CCDC83: variants seen among roughly 807,000 people sequenced by gnomAD.
CCDC83 encodes coiled-coil domain-containing protein 83.
A neutral mutation model predicts 50.1 loss-of-function variants in CCDC83; 54 were observed. The observed-to-expected ratio is 1.08, with a 90% CI of 0.87 to 1.35. The LOEUF is 1.35. Among genes scored for constraint, CCDC83 ranks in the 40% most tolerant of loss-of-function variants. CCDC83 has a pLI of 0.00. For missense variants in CCDC83, 518 were observed against 473.9 expected (o/e 1.09, Z -0.86); for synonymous variants, 161 against 153.3 (o/e 1.05, Z -0.37).
At chr11:85,917,424 C>G (rs536233387) in intron 10 of CCDC83, among the ~76,000 whole-genome samples, 79 of 152,274 alleles carry the variant, frequency 5.2e-4, no homozygotes, top group African/African-American at 1.8e-3. Flanking sequence ...GCTCCTACAT[C>G]TTGATGGAGG....
chr11:85,855,755 A>T (rs2093135911), intron 1 of CCDC83, among the ~76,000 whole-genome samples, 171 bp downstream of exon 1: 1 of 152,202 alleles, frequency 6.6e-6, no homozygotes, highest in African/African-American at 2.4e-5. Flanking sequence ...GAAACAGGTC[A>T]GAGGTTCAGA....
intron 9 of CCDC83, 39 bp downstream of exon 9, chr11:85,915,537 A>T (rs768060429): frequency 6.9e-7 from 1 of 1,448,972 alleles, no homozygotes; most frequent in Non-Finnish European, 9.6e-7. Flanking sequence ...ATTTTTTTCA[A>T]ACTCTTGTTT....
chr11:85,895,294 A>G lies in CCDC83; in HGVS notation c.513A>G (p.Glu171=), dbSNP rs780030631. ...TTTTTTTTTTTTTTTTTTTTAAAGAACACTATAAAATCACTCTGGAAGATA... is the reference window on the plus strand; with the variant it reads ...TTTTTTTTTTTTTTTTTTTTAAAGAGCACTATAAAATCACTCTGGAAGATA... The part of the protein sequence containing the change: ...TVKENAEKMS[E]HYKITLEDTR... The change falls in exon 6 of 11, where the codon GAA becomes GAG. Residue 171 remains glutamate, a splice_region_variant and synonymous_variant. Coordinates refer to ENST00000342404, the MANE Select transcript of CCDC83 (RefSeq NM_001286159.2). 1.0e-6 allele frequency: 1 copy of G among 957,298 alleles called. No individual in the cohort carries two copies. The highest frequency in any genetic ancestry group is 1.5e-6 in the Non-Finnish European group (1 of 678,846). 59.3% of individuals were successfully genotyped at this position (957,298 alleles called of 1,614,324 possible). A position where few individuals can be genotyped will look rare whatever the true frequency, so the allele number is the denominator to read the frequency against.
At chr11:85,897,873 A>G (rs1592175218) in intron 6 of CCDC83, among the ~76,000 whole-genome samples, 2 of 152,160 alleles carry the variant, frequency 1.3e-5, no homozygotes, top group Admixed American at 6.6e-5. Context: ...AGACTTTAAT[A>G]GGGCTGGGCG....
intron 10 of CCDC83, among the ~76,000 whole-genome samples, chr11:85,917,098 G>A (rs549739129): frequency 2.0e-5 from 3 of 148,284 alleles, no homozygotes; most frequent in African/African-American, 7.6e-5. Flanking sequence ...GTGACAGAGC[G>A]AGACTCTGAA....
In CCDC83 at chr11:85,917,213, A is replaced by AGAAAGAAG. The variant is rs2093485165; in HGVS notation, c.1080+987_1080+988insGGAAAGAA. Reference sequence around the variant, plus strand: ...GAAAGAGAAAGAAAGAAAGAAGGAAAGAAAGAAAGAAAGAAAGAAAAGAAA... The same window carrying AGAAAGAAG: ...GAAAGAGAAAGAAAGAAAGAAGGAAAGAAAGAAGGAAAGAAAGAAAGAAAGAAAAGAAA... On this transcript the variant is annotated intron_variant, in intron 10 of 10. Transcript: ENST00000342404. 1.5e-3 allele frequency among the ~76,000 whole-genome samples: 176 copies of AGAAAGAAG among 115,070 alleles called. 2 individuals are homozygous for AGAAAGAAG. Among genetic ancestry groups the AGAAAGAAG allele is most frequent in the African/African-American group, 5.3e-3 (162 of 30,352 alleles). 75.5% of individuals were successfully genotyped at this position (115,070 alleles called of 152,430 possible). A position where few individuals can be genotyped will look rare whatever the true frequency, so the allele number is the denominator to read the frequency against.
chr11:85,892,892 G>C (rs1484284074), intron 5 of CCDC83, among the ~76,000 whole-genome samples: 2 of 152,158 alleles, frequency 1.3e-5, no homozygotes, highest in Non-Finnish European at 2.9e-5. Context: ...AATAATAAAG[G>C]CTTCCACTTC....
chr11:85,874,887 AC>A (rs1304912625), intron 3 of CCDC83, among the ~76,000 whole-genome samples: 1 of 152,028 alleles, frequency 6.6e-6, no homozygotes, highest in Non-Finnish European at 1.5e-5. Flanking sequence ...TCAAAATCTG[AC>A]CCCTGTTCAC....
At position 85,904,249 on chromosome 11, in the gene CCDC83, C is replaced by T. The variant is rs1592185267; in HGVS notation, c.672+5234C>T. Among the ~76,000 whole-genome samples, 5 of 152,278 alleles carry T rather than the reference C, an allele frequency of 3.3e-5. No individual in the cohort carries two copies. The South Asian group carries it at 1.0e-3, about 32-fold the overall frequency. ...TTCTCATATACGCCACAACAGTTTCCTCTATTACTGACATCTTACATTGTA... is the reference window on the plus strand; with the variant it reads ...TTCTCATATACGCCACAACAGTTTCTTCTATTACTGACATCTTACATTGTA... On this transcript the variant is annotated intron_variant, in intron 7 of 10. Transcript: ENST00000342404.
In CCDC83 at chr11:85,882,499, G is replaced by A. The variant is rs1371982275; in HGVS notation, c.181-14G>A. The A allele has an allele frequency of 6.2e-7, 1 of 1,611,748 alleles. No homozygotes were observed. Among genetic ancestry groups the A allele is most frequent in the African/African-American group, 1.3e-5 (1 of 74,722 alleles). On this transcript the variant is annotated splice_polypyrimidine_tract_variant and intron_variant, in intron 3 of 10. Coordinates refer to ENST00000342404, the MANE Select transcript of CCDC83 (RefSeq NM_001286159.2). ...AGTTGATCAAACGTGAATTACTGTT[G>A]ATTTTCATGACAGAATAGCCGCTTA... is the stretch of plus-strand genomic sequence containing the variant.
chr11:85,885,583 T>C (rs2093323067), intron 4 of CCDC83, among the ~76,000 whole-genome samples: 2 of 152,220 alleles, frequency 1.3e-5, no homozygotes, highest in African/African-American at 4.8e-5. Context: ...TTTATATCCC[T>C]GAAATAGTTC....
chr11:85,892,251 G>C (rs949716269), intron 5 of CCDC83, among the ~76,000 whole-genome samples: 1 of 152,174 alleles, frequency 6.6e-6, no homozygotes, highest in African/African-American at 2.4e-5. Context: ...TGAGAAGCAA[G>C]GAGTCTTCTG....
At chr11:85,895,459 G>T (rs1394317044) in intron 6 of CCDC83, 75 bp downstream of exon 6, 4 of 855,012 alleles carry the variant, frequency 4.7e-6, no homozygotes, top group Admixed American at 2.7e-5. Flanking sequence ...ATATTATAGT[G>T]GTTAAGAACT....
At chr11:85,889,089 C>T (rs898722318) in intron 5 of CCDC83, among the ~76,000 whole-genome samples, 1 of 152,218 alleles carries the variant, frequency 6.6e-6, no homozygotes, top group Non-Finnish European at 1.5e-5. Flanking sequence ...TGGTGTCTCA[C>T]GCCTGTAATA....
At chr11:85,875,464 A>C (rs1179831370) in intron 3 of CCDC83, among the ~76,000 whole-genome samples, 1 of 152,166 alleles carries the variant, frequency 6.6e-6, no homozygotes, top group Admixed American at 6.5e-5. Context: ...CAATCTATTT[A>C]TTTATGCCTT....
rs145641758 is a variant in CCDC83, at chr11:85,888,910, T to C, written c.511+2543T>C. 5.1e-3 allele frequency among the ~76,000 whole-genome samples: 784 copies of C among 152,372 alleles called. 7 individuals are homozygous for C. Among genetic ancestry groups the C allele is most frequent in the Middle Eastern group, 0.027 (8 of 294 alleles). On this transcript the variant is annotated intron_variant, in intron 5 of 10. Coordinates refer to ENST00000342404, the MANE Select transcript of CCDC83 (RefSeq NM_001286159.2). ...TCTGATTCACTGATCTGCCTATGCA[T>C]TTGTTAACCAGTAGAATACTTTTTA...
chr11:85,909,195 T>C (rs865922129), intron 7 of CCDC83, among the ~76,000 whole-genome samples: 6 of 152,224 alleles, frequency 3.9e-5, no homozygotes, highest in African/African-American at 7.2e-5. Context: ...TGGTAACATA[T>C]TGAATGCTTT....
intron 1 of CCDC83, among the ~76,000 whole-genome samples, chr11:85,860,627 C>T (rs1025443553): frequency 6.6e-5 from 10 of 152,128 alleles, no homozygotes; most frequent in African/African-American, 9.7e-5. Flanking sequence ...CCAGCAATCT[C>T]GCTACTGGAT....
intron 7 of CCDC83, among the ~76,000 whole-genome samples, chr11:85,906,976 T>C (rs1182112983): frequency 1.4e-5 from 2 of 146,002 alleles, no homozygotes; most frequent in Non-Finnish European, 3.1e-5. Flanking sequence ...TTTGTTTTAA[T>C]AAATATTCAT....
Sources: gnomAD v4.1 joint callset for allele counts (sites outside exome capture counted in the v4.1 genomes callset) on GRCh38, gnomAD v4.1.1 for gene constraint, MANE v1.5 for transcripts, NCBI Gene and HGNC (gene_info 2026-07-23, HGNC 2026-07-21) for gene names.